Variants in RPS27A observed in about 807,000 individuals in gnomAD.
RPS27A encodes ubiquitin-ribosomal protein eS31 fusion protein.
A neutral mutation model predicts 18.9 loss-of-function variants in RPS27A; 1 was observed. That is an observed-to-expected ratio of 0.05 (90% confidence interval 0.02 to 0.25). The LOEUF is 0.25. RPS27A is among the 10% of genes least tolerant of loss of function. The pLI is 1.00. For missense variants in RPS27A, 123 were observed against 187.4 expected, an observed-to-expected ratio of 0.66 and a Z score of 2.01; for synonymous variants, 77 against 63.7, an observed-to-expected ratio of 1.21 and a Z score of -0.99.
Position 55,233,395 on chromosome 2 carries a change from G to T in RPS27A, c.81G>T (p.Lys27Asn). 6.2e-7 allele frequency: 1 copy of T among 1,613,640 alleles called. No individual in the cohort carries two copies. Among genetic ancestry groups the T allele is most frequent in the Non-Finnish European group, 8.5e-7 (1 of 1,179,578 alleles). ...CCTCGGATACGATAGAAAATGTAAA[G>T]GCCAAGATCCAGGATAAGGAAGGCA... Reference protein sequence around the residue: ...VEPSDTIENVKAKIQDKEGIP... With the variant: ...VEPSDTIENVNAKIQDKEGIP... The change falls in exon 3 of 6, where the codon AAG (lysine) becomes AAT (asparagine). Residue 27 changes from lysine to asparagine, a missense_variant. Around this residue, in one of 2 missense-constraint regions of RPS27A, gnomAD observed 66 missense variants for 72.6 expected, o/e 0.91. Coordinates refer to ENST00000272317, the MANE Select transcript of RPS27A (RefSeq NM_002954.6).
upstream of RPS27A, chr2:55,232,277 T>C (rs1183530941): frequency 1.5e-5 from 3 of 196,972 alleles, no homozygotes; most frequent in South Asian, 8.0e-5. Context: ...TGCTTAGAGA[T>C]AGTAACTAGG....
intron 3 of RPS27A, 172 bp downstream of exon 3, chr2:55,233,589 G>T: frequency 1.5e-6 from 1 of 651,804 alleles, no homozygotes; most frequent in Non-Finnish European, 2.8e-6. Context: ...TACCTAGATT[G>T]GAATCCTTGA....
intron 5 of RPS27A, 62 bp from the exon 6 acceptor site, chr2:55,235,366 A>G: frequency 3.2e-6 from 5 of 1,577,020 alleles, no homozygotes; most frequent in Non-Finnish European, 4.4e-6. Flanking sequence ...ATTTTGAGTC[A>G]CTTAAATTAG....
At chr2:55,234,009 T>A in intron 3 of RPS27A, 110 bp from the exon 4 acceptor site, 2 of 788,720 alleles carry the variant, frequency 2.5e-6, no homozygotes, top group East Asian at 2.4e-5. Context: ...AGTAAGGGCT[T>A]ATTGTCAGCC....
chr2:55,234,257 ATTTTT>A, intron 4 of RPS27A, 53 bp downstream of exon 4: 2 of 1,341,262 alleles, frequency 1.5e-6, no homozygotes, highest in Non-Finnish European at 2.1e-6. Flanking sequence ...TATTTTGGAA[ATTTTT>A]TATTTTACTT....
chr2:55,232,320 A>G (rs1675497495), upstream of RPS27A: 1 of 211,390 alleles, frequency 4.7e-6, no homozygotes, highest in African/African-American at 2.3e-5. Context: ...TCTTGGGACA[A>G]GTAGTCCAAG....
intron 3 of RPS27A, 58 bp downstream of exon 3, chr2:55,233,475 A>G: frequency 3.3e-6 from 4 of 1,221,270 alleles, no homozygotes; most frequent in Non-Finnish European, 3.6e-6. Context: ...GCCTACCTGT[A>G]GGTGCTAGAC....
intron 5 of RPS27A, chr2:55,235,193 A>G: frequency 2.9e-6 from 2 of 694,348 alleles, no homozygotes; most frequent in Non-Finnish European, 4.8e-6. Flanking sequence ...GTTTGGGTTC[A>G]GGTCTTTACC....
chr2:55,232,785 C>T (rs1675538759), intron 1 of RPS27A, 23 bp from the exon 2 acceptor site: 1 of 1,591,876 alleles, frequency 6.3e-7, no homozygotes, highest in Non-Finnish European at 8.6e-7. Flanking sequence ...CCTAACCTGT[C>T]TCTTCCTTTT....
chr2:55,232,835 T>C lies in RPS27A; in HGVS notation c.11T>C (p.Phe4Ser). 6.2e-7 allele frequency: 1 copy of C among 1,613,252 alleles called. No homozygotes were observed. MQI[F>S]VKTLTGKTIT... Reference sequence around the variant, plus strand: ...GGAGCCGCCACCAAAATGCAGATTTTCGTGAAAACCCTTACGGGGAAGACC... The same window carrying C: ...GGAGCCGCCACCAAAATGCAGATTTCCGTGAAAACCCTTACGGGGAAGACC... Residue 4 changes from phenylalanine (F) to serine (S), a missense_variant, in exon 2 of 6, where the codon TTC (phenylalanine) becomes TCC (serine). Physicochemically the swap from Phe to Ser is radical, Grantham distance 155. Coordinates refer to ENST00000272317, the MANE Select transcript of RPS27A (RefSeq NM_002954.6).
In RPS27A at chr2:55,233,357, T is replaced by A; in HGVS notation, c.49-6T>A. ...AACCAACATGCTTTCACTTTAACACTCATAGGTTGAACCCTCGGATACGAT... is the reference window on the plus strand; with the variant it reads ...AACCAACATGCTTTCACTTTAACACACATAGGTTGAACCCTCGGATACGAT... On this transcript the variant is annotated splice_polypyrimidine_tract_variant and splice_region_variant and intron_variant, in intron 2 of 5. Coordinates refer to ENST00000272317, the MANE Select transcript of RPS27A (RefSeq NM_002954.6). 4 of 1,610,134 alleles carry A rather than the reference T, an allele frequency of 2.5e-6. No homozygotes were observed. Among genetic ancestry groups the A allele is most frequent in the Non-Finnish European group, 3.4e-6 (4 of 1,176,300 alleles).
At chr2:55,233,746 A>C (rs1675633246) in intron 3 of RPS27A, 1 of 472,534 alleles carries the variant, frequency 2.1e-6, no homozygotes, top group South Asian at 2.1e-5. Context: ...TTTGTGCTTC[A>C]GCCTCCCTAT....
upstream of RPS27A, chr2:55,232,578 C>A (rs532563178): frequency 4.3e-4 from 250 of 581,054 alleles, 1 homozygote; most frequent in African/African-American, 4.2e-3. Context: ...AGTCTGGCAC[C>A]GGGTTGGATT....
upstream of RPS27A, chr2:55,232,671 C>T (rs1465774415): frequency 4.0e-6 from 3 of 745,764 alleles, no homozygotes; most frequent in Admixed American, 6.1e-5. Context: ...ACCCCGTGGG[C>T]CTGCGCGGCG....
At chr2:55,232,507 C>A, upstream of RPS27A, 1 of 461,650 alleles carries the variant, frequency 2.2e-6, no homozygotes, top group Non-Finnish European at 4.0e-6. Flanking sequence ...CGAAAGCATT[C>A]CGAAGGCTAA....
rs1000074323 is a variant in RPS27A, at chr2:55,233,227, A to T, written c.49-136A>T. 31 of 794,870 alleles carry T rather than the reference A, an allele frequency of 3.9e-5. 1 individual carries two copies. The highest frequency in any genetic ancestry group is 3.8e-4 in the Admixed American group (19 of 49,956). The allele number at this position is 794,870 out of a possible 1,614,324, so 49.2% of individuals were successfully genotyped here. A position where few individuals can be genotyped will look rare whatever the true frequency, so the allele number is the denominator to read the frequency against. ...CGGTAGCCGACTTGGGAGGTTGCCCACTGGGTGGGTAATAGGTCTCTCGAG... is the reference window on the plus strand; with the variant it reads ...CGGTAGCCGACTTGGGAGGTTGCCCTCTGGGTGGGTAATAGGTCTCTCGAG... On this transcript the variant is annotated intron_variant, in intron 2 of 5. Transcript: ENST00000272317.
chr2:55,235,243 A>G, intron 5 of RPS27A, 185 bp from the exon 6 acceptor site: 1 of 771,882 alleles, frequency 1.3e-6, no homozygotes, highest in Non-Finnish European at 2.1e-6. Context: ...AGTGTTCAAA[A>G]GTCCCAAGAC....
At position 55,235,783 on chromosome 2, in the gene RPS27A, T is replaced by C; in HGVS notation, c.*206T>C. ...AGGTGCCAACCACTTGTAAAGGTCT[T>C]GATATTTTCAATTCTTAGACTACCT... is the stretch of plus-strand genomic sequence containing the variant. On this transcript the variant is annotated 3_prime_UTR_variant, in exon 6 of 6. Coordinates refer to ENST00000272317, the MANE Select transcript of RPS27A (RefSeq NM_002954.6). The C allele has an allele frequency of 3.3e-6, 2 of 609,956 alleles. No individual in the cohort carries two copies. The highest frequency in any genetic ancestry group is 5.8e-6 in the Non-Finnish European group (2 of 344,918). The allele number at this position is 609,956 out of a possible 1,614,324, so 37.8% of individuals were successfully genotyped here. A position where few individuals can be genotyped will look rare whatever the true frequency, so the allele number is the denominator to read the frequency against.
rs2104225329 is a variant in RPS27A at position 55,234,898 on chromosome 2, C to T, written c.257C>T (p.Thr86Ile). Reference sequence around the variant, plus strand: ...AAGAAAAGGAAGAAGAAGTCTTACACCACTCCCAAGAAGAATAAGCACAAG... The same window carrying T: ...AAGAAAAGGAAGAAGAAGTCTTACATCACTCCCAAGAAGAATAAGCACAAG... ...GAKKRKKKSY[T>I]TPKKNKHKRK... is the part of the protein sequence containing the mutation. Residue 86 changes from threonine (T) to isoleucine (I), a missense_variant, in exon 5 of 6, where the codon ACC becomes ATC. Transcript: ENST00000272317. 6.2e-7 allele frequency: 1 copy of T among 1,612,946 alleles called. No individual in the cohort carries two copies. The highest frequency in any genetic ancestry group is 8.5e-7 in the Non-Finnish European group (1 of 1,179,704).
Sources: allele counts gnomAD v4.1 joint callset, GRCh38; gene constraint gnomAD v4.1.1; regional missense constraint gnomAD v4.1.1; transcripts MANE v1.5; gene names NCBI Gene and HGNC (gene_info 2026-07-23, HGNC 2026-07-21).